FARS2: variants seen among roughly 807,000 people sequenced by gnomAD.
FARS2 encodes phenylalanyl-tRNA synthetase 2, mitochondrial, also known as phenylalanine--tRNA ligase, mitochondrial.
A neutral mutation model predicts 46.4 loss-of-function variants in FARS2; 40 were observed. The ratio of observed to expected loss-of-function variants is 0.86; its 90% CI spans 0.67 to 1.12. The LOEUF is 1.12. Among genes scored for constraint, FARS2 ranks in the 50% most tolerant of loss-of-function variants. The probability of loss-of-function intolerance (pLI) is 0.00; values close to 1 mark genes in which losing one functional copy is unlikely to be tolerated. For missense variants in FARS2, 513 were observed against 567.9 expected (o/e 0.90, Z 0.98); for synonymous variants, 234 against 214.9 (o/e 1.09, Z -0.78).
chr6:5,456,421 G>T (rs1362687099), intron 4 of FARS2, among the ~76,000 whole-genome samples: 4 of 152,008 alleles, frequency 2.6e-5, no homozygotes, highest in Admixed American at 2.0e-4. Context: ...TGTGGCTGGA[G>T]AATATGTTGA....
At position 5,471,172 on chromosome 6, in the gene FARS2, A is replaced by G. The variant is rs1447756666; in HGVS notation, c.904+40000A>G. Among the ~76,000 whole-genome samples, 2 of 152,200 alleles carry G rather than the reference A, an allele frequency of 1.3e-5. No homozygotes were observed. Among genetic ancestry groups the G allele is most frequent in the Non-Finnish European group, 2.9e-5 (2 of 68,052 alleles). On this transcript the variant is annotated intron_variant, in intron 4 of 6. Coordinates refer to ENST00000274680, the MANE Select transcript of FARS2 (RefSeq NM_006567.5). The surrounding 1 kb of genome is among the most constrained non-coding windows in gnomAD (Gnocchi z 4.1). The stretch of plus-strand genomic sequence containing the variant: ...TAGAGGGCGCTCGGCCCCTCATTTC[A>G]TAATAGTGGAGCCTGCACCAAACGT...
rs1430514501 is a variant in FARS2 at position 5,343,540 on chromosome 6, A to G, written c.-21-25010A>G. Reference sequence around the variant, plus strand: ...ATTTCAGTTATTCTTGATGTGTTTTAAAAGTGTGCATTCCATAACAGTTGG... The same window carrying G: ...ATTTCAGTTATTCTTGATGTGTTTTGAAAGTGTGCATTCCATAACAGTTGG... On this transcript the variant is annotated intron_variant, in intron 1 of 6. Transcript: ENST00000274680. This position sits in a 1 kb window ranked among gnomAD's most constrained non-coding sequence, Gnocchi z 4.5. Among the ~76,000 whole-genome samples, 2 of 152,186 alleles carry G rather than the reference A, an allele frequency of 1.3e-5. No individual in the cohort carries two copies. Among genetic ancestry groups the G allele is most frequent in the South Asian group, 4.1e-4 (2 of 4,832 alleles).
intron 6 of FARS2, among the ~76,000 whole-genome samples, chr6:5,737,574 C>T (rs940027843): frequency 7.2e-5 from 11 of 152,230 alleles, no homozygotes; most frequent in African/African-American, 2.7e-4. Flanking sequence ...AGCCCCCTCC[C>T]TGCTTTCTGG....
intron 3 of FARS2, 30 bp downstream of exon 3, chr6:5,404,731 C>A: frequency 7.0e-7 from 1 of 1,418,526 alleles, no homozygotes; most frequent in Non-Finnish European, 9.5e-7. Flanking sequence ...TTGACGATCT[C>A]TTATCTGAAA....
At chr6:5,274,056 A>C (rs963979110) in intron 1 of FARS2, among the ~76,000 whole-genome samples, 2 of 152,236 alleles carry the variant, frequency 1.3e-5, no homozygotes, top group Non-Finnish European at 1.5e-5. Flanking sequence ...CACGTACAGG[A>C]AAAAACATAG....
At chr6:5,252,222 T>C in the FARS2 span, among the ~76,000 whole-genome samples, 4 of 152,202 alleles carry the variant, frequency 2.6e-5, no homozygotes, top group Non-Finnish European at 5.9e-5. Flanking sequence ...ATTCACAGGA[T>C]GCATGGGTGC....
chr6:5,695,373 C>T (rs1758038050), intron 6 of FARS2: 1 of 152,272 alleles, frequency 6.6e-6, no homozygotes, highest in African/African-American at 2.4e-5. Flanking sequence ...CCAGTGCTTT[C>T]TCTGCCTTCC....
chr6:5,594,344 T>C (rs1218695661), intron 5 of FARS2, among the ~76,000 whole-genome samples: 3 of 152,168 alleles, frequency 2.0e-5, no homozygotes, highest in African/African-American at 7.2e-5. Flanking sequence ...TGTGAATTGG[T>C]TTTTCTGTGT....
chr6:5,293,363 A>G (rs1351283582), intron 1 of FARS2, among the ~76,000 whole-genome samples: 5 of 152,194 alleles, frequency 3.3e-5, no homozygotes, highest in Non-Finnish European at 1.5e-5. Context: ...TTCTGCTTGC[A>G]TCCACATAGG....
chr6:5,399,171 T>TATC (rs1242006846), intron 2 of FARS2, among the ~76,000 whole-genome samples: 13 of 93,048 alleles, frequency 1.4e-4, no homozygotes, highest in Non-Finnish European at 2.7e-4. Context: ...TTATTATTAT[T>TATC]ATTATCATCA....
intron 1 of FARS2, among the ~76,000 whole-genome samples, chr6:5,310,222 C>T (rs1260804175): frequency 6.6e-6 from 1 of 151,962 alleles, no homozygotes; most frequent in East Asian, 1.9e-4. Flanking sequence ...ATTCTTTATA[C>T]CCAAGAAAAT....
intron 1 of FARS2, among the ~76,000 whole-genome samples, chr6:5,318,356 C>T (rs368093583): frequency 1.7e-5 from 2 of 120,312 alleles, no homozygotes; most frequent in East Asian, 2.3e-4. Context: ...GAGACTCCGT[C>T]TCAAGAAAAA....
intron 3 of FARS2, among the ~76,000 whole-genome samples, chr6:5,429,584 T>C (rs1763045422): frequency 6.6e-6 from 1 of 152,132 alleles, no homozygotes; most frequent in African/African-American, 2.4e-5. Flanking sequence ...GTCAGGAGGA[T>C]TGCTTGAGGC....
chr6:5,510,596 G>T (rs76473800), intron 4 of FARS2, among the ~76,000 whole-genome samples: 1 of 152,222 alleles, frequency 6.6e-6, no homozygotes, highest in Non-Finnish European at 1.5e-5. Flanking sequence ...GTTTGTGTGC[G>T]GAGCCTGTGT....
chr6:5,276,457 G>A (rs1766340892), intron 1 of FARS2, among the ~76,000 whole-genome samples: 1 of 152,272 alleles, frequency 6.6e-6, no homozygotes, highest in East Asian at 1.9e-4. Flanking sequence ...GGCATGACAG[G>A]CATAAACATG....
rs764897456 is a variant in FARS2, at chr6:5,359,029, C to CTTTTTTTTTTT, written c.-21-9521_-21-9520insTTTTTTTTTTT. ...TCGAATTATAGTGATGAAAAGATAC[C>CTTTTTTTTTTT]CTTTTTTTTTTTTTTTTTTTTTTTT... On this transcript the variant is annotated intron_variant, in intron 1 of 6. Transcript: ENST00000274680. 6.5e-4 allele frequency among the ~76,000 whole-genome samples: 47 copies of CTTTTTTTTTTT among 72,534 alleles called. 13 individuals are homozygous for CTTTTTTTTTTT. The highest frequency in any genetic ancestry group is 8.2e-4 in the African/African-American group (18 of 22,058). 47.6% of individuals were successfully genotyped at this position (72,534 alleles called of 152,430 possible).
chr6:5,669,532 G>A (rs1245604157), intron 6 of FARS2, among the ~76,000 whole-genome samples: 1 of 152,138 alleles, frequency 6.6e-6, no homozygotes, highest in Non-Finnish European at 1.5e-5. Flanking sequence ...CACCGTATAC[G>A]TCAGCCCCCA....
rs141835147 is a variant in FARS2 at position 5,740,156 on chromosome 6, G to A, written c.1218-31135G>A. ...TGTCTGCTGTGTGCTGGTAGGGAAT[G>A]TGTCCTGGGGACACTGGAAGTCTAG... On this transcript the variant is annotated intron_variant, in intron 6 of 6. Coordinates refer to ENST00000274680, the MANE Select transcript of FARS2 (RefSeq NM_006567.5). 3.8e-4 allele frequency among the ~76,000 whole-genome samples: 58 copies of A among 152,306 alleles called. No individual in the cohort carries two copies. The East Asian group carries it at 8.7e-3, about 23-fold the overall frequency.
intron 1 of FARS2, among the ~76,000 whole-genome samples, chr6:5,272,909 A>G (rs1766066807): frequency 1.3e-5 from 2 of 152,094 alleles, no homozygotes; most frequent in South Asian, 2.1e-4. Context: ...AACATATGGT[A>G]TTTGTCTTTC....
Sources: gnomAD v4.1 joint callset for allele counts (sites outside exome capture counted in the v4.1 genomes callset) on GRCh38, gnomAD v4.1.1 for gene constraint, Gnocchi (gnomAD v3.1) non-coding constraint, MANE v1.5 for transcripts, NCBI Gene and HGNC (gene_info 2026-07-23, HGNC 2026-07-21) for gene names.